COL28A1: variants seen among roughly 807,000 people sequenced by gnomAD.
COL28A1 encodes the protein collagen alpha-1(XXVIII) chain.
Under a neutral mutation model 150.2 loss-of-function variants are expected in COL28A1, and 161 were observed. That is an observed-to-expected ratio of 1.07 (90% CI 0.94 to 1.22). The LOEUF is 1.22. Ranked by LOEUF, COL28A1 falls within the 50% of genes most tolerant of loss-of-function variation. COL28A1 has a pLI of 0.00. For synonymous variants in COL28A1, 552 were observed against 469.7 expected, an observed-to-expected ratio of 1.18 and a Z score of -2.26; for missense variants, 1,617 against 1,388.3, an observed-to-expected ratio of 1.16 and a Z score of -2.62.
rs377643658 is a variant in COL28A1 at position 7,373,866 on chromosome 7, A to C, written c.2360-320T>G. Among the ~76,000 whole-genome samples the C allele has an allele frequency of 6.6e-6, 1 of 151,160 alleles. No individual in the cohort carries two copies. The highest frequency in any genetic ancestry group is 3.4e-3 in the Middle Eastern group (1 of 290). On this transcript the variant is annotated intron_variant, in intron 31 of 34. Transcript: ENST00000399429. The surrounding 1 kb of genome is among the most constrained non-coding windows in gnomAD (Gnocchi z 4.1). ...AGGCGCCCGCCACCTCGCCTGGCTA[A>C]TTTTTTGTATTTTTAGTAGAGACAG...
intron 6 of COL28A1, among the ~76,000 whole-genome samples, chr7:7,518,373 G>C (rs1240085667): frequency 6.6e-6 from 1 of 152,164 alleles, no homozygotes; most frequent in African/African-American, 2.4e-5. Flanking sequence ...GTATAGGGTT[G>C]TTTGGTTGAG....
intron 30 of COL28A1, among the ~76,000 whole-genome samples, chr7:7,375,961 G>A (rs1374693319): frequency 6.6e-6 from 1 of 152,198 alleles, no homozygotes; most frequent in East Asian, 1.9e-4. Flanking sequence ...ATTCTATGCT[G>A]TATTTTCTCT....
intron 27 of COL28A1, among the ~76,000 whole-genome samples, chr7:7,386,047 T>G (rs1466613966): frequency 6.6e-6 from 1 of 152,200 alleles, no homozygotes; most frequent in Non-Finnish European, 1.5e-5. Flanking sequence ...CCTATTTTAT[T>G]GGAAGCTATA....
chr7:7,451,263 G>A lies in COL28A1; in HGVS notation c.1509+1056C>T, dbSNP rs115897051. On this transcript the variant is annotated intron_variant, in intron 18 of 34. Transcript: ENST00000399429. Reference sequence around the variant, plus strand: ...TTTTTTTAAGATGGAGTCTCACTTCGTCGCCAGGCTGGAGTGCAGTGGCGC... The same window carrying A: ...TTTTTTTAAGATGGAGTCTCACTTCATCGCCAGGCTGGAGTGCAGTGGCGC... 6.3e-3 allele frequency among the ~76,000 whole-genome samples: 955 copies of A among 150,472 alleles called. 15 individuals carry two copies. The highest frequency in any genetic ancestry group is 0.022 in the African/African-American group (883 of 40,876).
At position 7,378,395 on chromosome 7, in the gene COL28A1, G is replaced by A. The variant is rs573023944; in HGVS notation, c.2322+2265C>T. 6.6e-5 allele frequency among the ~76,000 whole-genome samples: 10 copies of A among 152,284 alleles called. 1 individual carries two copies. In the East Asian group the frequency reaches 1.9e-3, roughly 29 times the overall value. Reference sequence around the variant, plus strand: ...CCTTTAGTGGCTACATTCCCTGAGAGTTTGAAGACAGGGAAGACTGGGGCC... The same window carrying A: ...CCTTTAGTGGCTACATTCCCTGAGAATTTGAAGACAGGGAAGACTGGGGCC... On this transcript the variant is annotated intron_variant, in intron 30 of 34. Coordinates refer to ENST00000399429, the MANE Select transcript of COL28A1 (RefSeq NM_001037763.3).
chr7:7,340,719 C>G, the COL28A1 span, among the ~76,000 whole-genome samples: 1 of 152,024 alleles, frequency 6.6e-6, no homozygotes, highest in Non-Finnish European at 1.5e-5. Context: ...ACCTGCATTA[C>G]TGCCGGGGTA....
Position 7,436,992 on chromosome 7 carries a change from C to T in COL28A1, c.1791+402G>A, listed in dbSNP as rs578150437. Among the ~76,000 whole-genome samples, 46 of 152,236 alleles carry T rather than the reference C, an allele frequency of 3.0e-4. 1 individual carries two copies. Among genetic ancestry groups the T allele is most frequent in the Admixed American group, 1.3e-3 (20 of 15,278 alleles). Reference sequence around the variant, plus strand: ...AGTGGAGGTTGCAGTGAGACAAGATCGCAGCACTGCACTCCAGCCTAGGGG... The same window carrying T: ...AGTGGAGGTTGCAGTGAGACAAGATTGCAGCACTGCACTCCAGCCTAGGGG... On this transcript the variant is annotated intron_variant, in intron 22 of 34. Transcript: ENST00000399429.
chr7:7,375,404 C>G (rs781434449), intron 31 of COL28A1, 57 bp downstream of exon 31: 121 of 1,474,842 alleles, frequency 8.2e-5, no homozygotes, highest in Non-Finnish European at 1.1e-4. Flanking sequence ...GTCACCAGCA[C>G]AGTACATAGT....
At chr7:7,422,624 G>A (rs768661987) in intron 25 of COL28A1, among the ~76,000 whole-genome samples, 7 of 151,070 alleles carry the variant, frequency 4.6e-5, no homozygotes, top group Non-Finnish European at 1.0e-4. Context: ...GTGAGACTCT[G>A]TCTCCAAAAA....
At chr7:7,363,368 T>A (rs569408775) in intron 33 of COL28A1, among the ~76,000 whole-genome samples, 9 of 152,230 alleles carry the variant, frequency 5.9e-5, no homozygotes, top group Non-Finnish European at 1.3e-4. Context: ...GAAATTTTGA[T>A]ATCTGTTAAC....
chr7:7,408,947 G>A (rs551145540), intron 27 of COL28A1, among the ~76,000 whole-genome samples: 13 of 152,110 alleles, frequency 8.5e-5, no homozygotes, highest in East Asian at 3.9e-4. Context: ...ACTCCCTAAC[G>A]CATGATTACT....
the COL28A1 span, among the ~76,000 whole-genome samples, chr7:7,542,959 C>A: frequency 3.3e-5 from 5 of 152,210 alleles, no homozygotes; most frequent in East Asian, 5.8e-4. Flanking sequence ...AAAGATGGTA[C>A]CCAGCAGTCT....
Position 7,479,481 on chromosome 7 carries a change from AG to A in COL28A1, c.1165-2302del, listed in dbSNP as rs1172931643. Among the ~76,000 whole-genome samples, 3 of 152,224 alleles carry A rather than the reference AG, an allele frequency of 2.0e-5. No individual in the cohort carries two copies. The East Asian group carries it at 5.8e-4, about 29-fold the overall frequency. On this transcript the variant is annotated intron_variant, in intron 13 of 34. Coordinates refer to ENST00000399429, the MANE Select transcript of COL28A1 (RefSeq NM_001037763.3). ...AGAGTGATTTAATAATTTAATTATCAGGGGAGTGCTGTGAAGAAATCATCAC... is the reference window on the plus strand; with the variant it reads ...AGAGTGATTTAATAATTTAATTATCAGGGAGTGCTGTGAAGAAATCATCAC...
intron 14 of COL28A1, among the ~76,000 whole-genome samples, chr7:7,476,068 T>C (rs1427187728): frequency 6.6e-6 from 1 of 152,180 alleles, no homozygotes; most frequent in Non-Finnish European, 1.5e-5. Context: ...AAGCTGAGAA[T>C]GAAATGCACT....
intron 18 of COL28A1, among the ~76,000 whole-genome samples, chr7:7,451,118 T>TA (rs1196074339): frequency 1.3e-5 from 2 of 152,176 alleles, no homozygotes; most frequent in African/African-American, 4.8e-5. Context: ...ATGTTTCTTT[T>TA]AAAAAGTCTA....
chr7:7,524,403 C>A (rs953235911), intron 3 of COL28A1, among the ~76,000 whole-genome samples, 154 bp from the exon 4 acceptor site: 3 of 152,124 alleles, frequency 2.0e-5, no homozygotes, highest in African/African-American at 4.8e-5. Flanking sequence ...ACCAACCAGC[C>A]AACCACCCAA....
At chr7:7,342,322 T>C in the COL28A1 span, among the ~76,000 whole-genome samples, 1 of 152,064 alleles carries the variant, frequency 6.6e-6, no homozygotes, top group Non-Finnish European at 1.5e-5. Flanking sequence ...TCTTCCTGTT[T>C]GCCTGTTTTA....
Position 7,384,930 on chromosome 7 carries a change from A to C in COL28A1, c.2137-3318T>G, listed in dbSNP as rs548192179. ...AAGATGAATAGGTGGGAAAGTGTAGATAACACAGAACAGCCTCATGAGGCT... is the reference window on the plus strand; with the variant it reads ...AAGATGAATAGGTGGGAAAGTGTAGCTAACACAGAACAGCCTCATGAGGCT... On this transcript the variant is annotated intron_variant, in intron 27 of 34. Transcript: ENST00000399429. 2.0e-5 allele frequency among the ~76,000 whole-genome samples: 3 copies of C among 152,330 alleles called. No individual in the cohort carries two copies. The East Asian group carries it at 5.8e-4, about 29-fold the overall frequency.
At chr7:7,444,917 TGGG>T (rs894572418) in intron 18 of COL28A1, among the ~76,000 whole-genome samples, 2 of 152,260 alleles carry the variant, frequency 1.3e-5, no homozygotes, top group Admixed American at 1.3e-4. Flanking sequence ...GATTGAGTTA[TGGG>T]GGTGGACCTC....
Sources: allele counts gnomAD v4.1 joint callset (sites outside exome capture counted in the v4.1 genomes callset), GRCh38; gene constraint gnomAD v4.1.1; non-coding constraint Gnocchi (gnomAD v3.1); transcripts MANE v1.5; gene names NCBI Gene and HGNC (gene_info 2026-07-23, HGNC 2026-07-21).